Variants in FARP2 observed in about 807,000 individuals in gnomAD.
FARP2 encodes FERM, ARH/RhoGEF and pleckstrin domain protein 2.
Under a neutral mutation model 130.5 loss-of-function variants are expected in FARP2, and 111 were observed. That is an observed-to-expected ratio of 0.85 (90% CI 0.73 to 1.00). FARP2 has a LOEUF of 1.00. Among genes scored for constraint, FARP2 ranks in the 50% least tolerant of loss-of-function variants. FARP2 has a pLI of 0.00. For missense variants in FARP2, 1,385 were observed against 1,346.3 expected (o/e 1.03, Z -0.45); for synonymous variants, 504 against 516.9 (o/e 0.98, Z 0.34).
rs372772314 is a variant in FARP2, at chr2:241,475,888, C to T, written c.2163C>T (p.Thr721=). 6.2e-7 allele frequency: 1 copy of T among 1,613,800 alleles called. No individual in the cohort carries two copies. Among genetic ancestry groups the T allele is most frequent in the Non-Finnish European group, 8.5e-7 (1 of 1,179,848 alleles). Residue 721 remains threonine, a synonymous_variant, in exon 19 of 27, where the codon ACC becomes ACT. Coordinates refer to ENST00000264042, the MANE Select transcript of FARP2 (RefSeq NM_014808.4). This position sits in a 1 kb window ranked among gnomAD's most constrained non-coding sequence, Gnocchi z 4.4. ...DALKAITEVT[T]TLQHILIRLE... ...TGAAAGCCATCACAGAGGTGACCACCACACTACAGCACATTCTCATCCGGC... is the reference window on the plus strand; with the variant it reads ...TGAAAGCCATCACAGAGGTGACCACTACACTACAGCACATTCTCATCCGGC...
At chr2:241,464,034 C>T (rs770877744) in intron 17 of FARP2, 54 bp downstream of exon 17, 66 of 1,471,058 alleles carry the variant, frequency 4.5e-5, no homozygotes, top group Non-Finnish European at 6.3e-5. Flanking sequence ...GGAGCAAAAC[C>T]ATCTTCCCGA....
chr2:241,381,925 A>T (rs976893084), intron 2 of FARP2, among the ~76,000 whole-genome samples: 1 of 152,234 alleles, frequency 6.6e-6, no homozygotes, highest in Non-Finnish European at 1.5e-5. Flanking sequence ...TACATGCTGC[A>T]GCTAGAAGAC....
At chr2:241,453,894 C>G (rs1012596899) in intron 13 of FARP2, among the ~76,000 whole-genome samples, 3 of 148,680 alleles carry the variant, frequency 2.0e-5, no homozygotes, top group Non-Finnish European at 4.4e-5. Flanking sequence ...AGCAATTCTC[C>G]TGCCTCAGCC....
intron 4 of FARP2, among the ~76,000 whole-genome samples, chr2:241,406,304 T>A (rs1261442339): frequency 1.3e-5 from 2 of 151,912 alleles, no homozygotes; most frequent in Non-Finnish European, 2.9e-5. Flanking sequence ...AGAGACTCTG[T>A]CTCAAAAAAA....
intron 2 of FARP2, among the ~76,000 whole-genome samples, chr2:241,402,159 G>A (rs139896591): frequency 2.6e-5 from 4 of 152,300 alleles, no homozygotes; most frequent in Non-Finnish European, 4.4e-5. Context: ...GAAAGTATCT[G>A]TAGGAAAAAG....
chr2:241,478,953 A>G (rs945326895), intron 19 of FARP2: 4 of 409,014 alleles, frequency 9.8e-6, no homozygotes, highest in Non-Finnish European at 1.9e-5. Context: ...GAACCCAGAA[A>G]GAAGGCCAAG....
At chr2:241,458,681 C>CAA (rs11300600) in intron 14 of FARP2, among the ~76,000 whole-genome samples, 5 of 143,840 alleles carry the variant, frequency 3.5e-5, no homozygotes, top group Admixed American at 2.0e-4. Context: ...TTCTTTGGTA[C>CAA]AAAAAAAAAA....
chr2:241,419,079 G>A (rs1229183177), intron 8 of FARP2, among the ~76,000 whole-genome samples: 6 of 152,088 alleles, frequency 3.9e-5, no homozygotes, highest in East Asian at 3.9e-4. Flanking sequence ...ATCAAAAAGA[G>A]CTTGGTCTGA....
intron 5 of FARP2, among the ~76,000 whole-genome samples, chr2:241,410,222 C>T (rs2062478550): frequency 6.6e-6 from 1 of 152,176 alleles, no homozygotes; most frequent in Non-Finnish European, 1.5e-5. Context: ...CTAGCCAAGA[C>T]CAGATATTAT....
chr2:241,466,934 A>G (rs2064187970), intron 17 of FARP2, among the ~76,000 whole-genome samples: 1 of 151,202 alleles, frequency 6.6e-6, no homozygotes, highest in African/African-American at 2.4e-5. Context: ...TGGACCAAAT[A>G]AAAGTGTTTT....
chr2:241,435,221 G>A (rs1666898134), intron 11 of FARP2, among the ~76,000 whole-genome samples, 191 bp downstream of exon 11: 2 of 151,294 alleles, frequency 1.3e-5, no homozygotes, highest in South Asian at 4.2e-4. Flanking sequence ...AGCCTCCCGA[G>A]TAGCTGGGAA....
intron 8 of FARP2, among the ~76,000 whole-genome samples, chr2:241,423,888 G>T (rs890926486): frequency 1.3e-5 from 2 of 152,016 alleles, no homozygotes; most frequent in Admixed American, 1.3e-4. Context: ...AATGGTAAAG[G>T]GTTCAACAAG....
At chr2:241,425,634 TAAAAAAAAAA>T (rs1167925220) in intron 8 of FARP2, among the ~76,000 whole-genome samples, 4 of 45,956 alleles carry the variant, frequency 8.7e-5, no homozygotes, top group South Asian at 9.5e-4. Context: ...TCCTACCAAG[TAAAAAAAAAA>T]AAAAAAAAAA....
intron 5 of FARP2, among the ~76,000 whole-genome samples, chr2:241,410,744 A>G (rs2062496184): frequency 6.6e-6 from 1 of 151,524 alleles, no homozygotes; most frequent in African/African-American, 2.4e-5. Context: ...TCTTTTTTTT[A>G]TTGTTCACAT....
At chr2:241,434,051 G>A (rs938096276) in intron 9 of FARP2, 107 bp from the exon 10 acceptor site, 20 of 899,566 alleles carry the variant, frequency 2.2e-5, no homozygotes, top group South Asian at 7.3e-5. Flanking sequence ...AAACCTTACT[G>A]ATTTTTAATT....
intron 1 of FARP2, among the ~76,000 whole-genome samples, chr2:241,360,143 T>G (rs1559697416): frequency 6.6e-6 from 1 of 152,140 alleles, no homozygotes. Flanking sequence ...AGGGGGGAAT[T>G]TTTCTCTCTT....
intron 13 of FARP2, chr2:241,443,933 A>G (rs1302818244): frequency 6.6e-6 from 1 of 152,266 alleles, no homozygotes; most frequent in East Asian, 1.9e-4. Context: ...CACAGGGACC[A>G]CGTGGCTCAG....
chr2:241,456,495 G>T (rs921101166), intron 13 of FARP2: 11 of 418,490 alleles, frequency 2.6e-5, no homozygotes, highest in Admixed American at 8.6e-5. Context: ...GGCCCCCCTA[G>T]AGTCCGGGGA....
chr2:241,466,447 A>G (rs1171559762), intron 17 of FARP2: 1 of 985,304 alleles, frequency 1.0e-6, no homozygotes, highest in African/African-American at 1.7e-5. Context: ...CACCACTGCC[A>G]GGCAGGCCGG....
Sources: allele counts gnomAD v4.1 joint callset (sites outside exome capture counted in the v4.1 genomes callset), GRCh38; gene constraint gnomAD v4.1.1; non-coding constraint Gnocchi (gnomAD v3.1); transcripts MANE v1.5; gene names NCBI Gene and HGNC (gene_info 2026-07-23, HGNC 2026-07-21).